Variants in MYO3B observed in about 807,000 individuals in gnomAD.
The protein encoded by MYO3B is myosin-IIIb.
Under a neutral mutation model 174.6 loss-of-function variants are expected in MYO3B, and 156 were observed. That is an observed-to-expected ratio of 0.89 (90% CI 0.78 to 1.02). The LOEUF is 1.02. Among genes scored for constraint, MYO3B ranks in the 50% least tolerant of loss-of-function variants. The probability of loss-of-function intolerance (pLI) is 0.00; values close to 1 mark genes in which losing one functional copy is unlikely to be tolerated. For missense variants in MYO3B, 1,632 were observed against 1,639.4 expected, an observed-to-expected ratio of 1.00 and a Z score of 0.08; for synonymous variants, 563 against 569.1, an observed-to-expected ratio of 0.99 and a Z score of 0.15.
At chr2:170,307,595 C>G (rs2093709659) in intron 7 of MYO3B, among the ~76,000 whole-genome samples, 1 of 152,082 alleles carries the variant, frequency 6.6e-6, no homozygotes, top group South Asian at 2.1e-4. Context: ...GACAGGGGGG[C>G]CCCAAAATTG....
rs75486707 is a variant in MYO3B, at chr2:170,321,717, T to C, written c.750-13668T>C. Among the ~76,000 whole-genome samples the C allele has an allele frequency of 4.0e-3, 609 of 152,260 alleles. 4 individuals are homozygous for C. Among genetic ancestry groups the C allele is most frequent in the African/African-American group, 0.014 (587 of 41,548 alleles). On this transcript the variant is annotated intron_variant, in intron 7 of 34. Transcript: ENST00000408978. ...CAGTGTGTTTCTGATGACTTAATGT[T>C]GATGTATTTATTTTTCATCTTAATT...
intron 30 of MYO3B, among the ~76,000 whole-genome samples, chr2:170,541,434 T>C (rs1449743458): frequency 6.6e-6 from 1 of 152,168 alleles, no homozygotes; most frequent in African/African-American, 2.4e-5. Context: ...GGTGAATGCC[T>C]TAGCTCTACC....
chr2:170,634,900 T>TCAAAACCACAATG lies in MYO3B; in HGVS notation c.3734-16727_3734-16715dup, dbSNP rs577093204. Among the ~76,000 whole-genome samples the TCAAAACCACAATG allele has an allele frequency of 1.7e-3, 252 of 152,222 alleles. 4 individuals are homozygous for TCAAAACCACAATG. The South Asian group carries it at 0.051, about 31-fold the overall frequency. ...TCACTGGTCATCAGTGAAATGCAAA[T>TCAAAACCACAATG]CAAAACCACAATGAGATACCATCTC... On this transcript the variant is annotated intron_variant, in intron 32 of 34. Transcript: ENST00000408978.
intron 7 of MYO3B, among the ~76,000 whole-genome samples, chr2:170,293,078 A>G (rs1350940515): frequency 6.6e-6 from 1 of 152,032 alleles, no homozygotes; most frequent in Non-Finnish European, 1.5e-5. Flanking sequence ...CAACTCTTTC[A>G]CTGTTGACTT....
At chr2:170,398,252 G>T (rs947219316) in intron 16 of MYO3B, among the ~76,000 whole-genome samples, 5 of 132,080 alleles carry the variant, frequency 3.8e-5, no homozygotes, top group Non-Finnish European at 6.5e-5. Flanking sequence ...AAAAAAAAAA[G>T]GATACAACTC....
chr2:170,372,247 T>G (rs1558934708), intron 9 of MYO3B, among the ~76,000 whole-genome samples: 1 of 152,022 alleles, frequency 6.6e-6, no homozygotes, highest in Non-Finnish European at 1.5e-5. Flanking sequence ...AAGTTTCTTC[T>G]ATAAAACGGG....
rs117541199 is a variant in MYO3B at position 170,427,883 on chromosome 2, T to C, written c.2651-16084T>C. 1.6e-4 allele frequency among the ~76,000 whole-genome samples: 25 copies of C among 152,292 alleles called. No homozygotes were observed. The East Asian group carries it at 4.8e-3, about 29-fold the overall frequency. On this transcript the variant is annotated intron_variant, in intron 22 of 34. Coordinates refer to ENST00000408978, the MANE Select transcript of MYO3B (RefSeq NM_138995.5). ...AATAGGAAAAAAAAGCTCGTATAAGTGATTATTGCCTTCACATTAGCACCC... is the reference window on the plus strand; with the variant it reads ...AATAGGAAAAAAAAGCTCGTATAAGCGATTATTGCCTTCACATTAGCACCC...
At chr2:170,260,481 C>A (rs923954177) in intron 7 of MYO3B, among the ~76,000 whole-genome samples, 1 of 152,214 alleles carries the variant, frequency 6.6e-6, no homozygotes, top group African/African-American at 2.4e-5. Flanking sequence ...TATGTTATCA[C>A]TTAAAAGTGG....
chr2:170,529,453 C>G (rs1043673978), intron 30 of MYO3B, among the ~76,000 whole-genome samples: 4 of 148,280 alleles, frequency 2.7e-5, no homozygotes, highest in Non-Finnish European at 5.9e-5. Context: ...TTCCTTCTTC[C>G]TTTTTTTTCT....
intron 25 of MYO3B, among the ~76,000 whole-genome samples, chr2:170,467,815 C>CAAAAA (rs33945733): frequency 6.3e-5 from 7 of 110,368 alleles, no homozygotes; most frequent in Admixed American, 1.0e-4. Context: ...AAAGATAAGG[C>CAAAAA]AAAAAAAAAA....
chr2:170,191,523 T>C (rs1001688195), intron 1 of MYO3B, among the ~76,000 whole-genome samples: 2 of 152,050 alleles, frequency 1.3e-5, no homozygotes, highest in African/African-American at 4.8e-5. Flanking sequence ...GGAGGTGCAA[T>C]TTCCCCCCGG....
chr2:170,457,112 G>A (rs1683952445), intron 23 of MYO3B, among the ~76,000 whole-genome samples: 1 of 152,158 alleles, frequency 6.6e-6, no homozygotes, highest in South Asian at 2.1e-4. Context: ...CACTTACCAT[G>A]AATGGAGCTT....
intron 7 of MYO3B, among the ~76,000 whole-genome samples, chr2:170,241,076 C>T (rs1437000216): frequency 6.6e-6 from 1 of 152,024 alleles, no homozygotes; most frequent in African/African-American, 2.4e-5. Context: ...GTATAGCCAA[C>T]ACCTTCTCTC....
chr2:170,622,556 A>G (rs1255399648), intron 32 of MYO3B, among the ~76,000 whole-genome samples: 12 of 150,626 alleles, frequency 8.0e-5, no homozygotes, highest in Non-Finnish European at 1.6e-4. Flanking sequence ...ACATTCTTAC[A>G]TTCTTTTATA....
intron 6 of MYO3B, among the ~76,000 whole-genome samples, chr2:170,221,536 A>T (rs2092900866): frequency 6.6e-6 from 1 of 152,172 alleles, no homozygotes; most frequent in Non-Finnish European, 1.5e-5. Flanking sequence ...CATATTGTCA[A>T]TACTCCCTAC....
At chr2:170,519,597 G>A (rs1044409347) in intron 30 of MYO3B, 57 bp downstream of exon 30, 5 of 1,322,262 alleles carry the variant, frequency 3.8e-6, no homozygotes, top group Admixed American at 3.4e-5. Context: ...CATTCTAATG[G>A]ATAATGAAAT....
At chr2:170,244,468 G>T (rs572968552) in intron 7 of MYO3B, among the ~76,000 whole-genome samples, 1 of 152,164 alleles carries the variant, frequency 6.6e-6, no homozygotes, top group South Asian at 2.1e-4. Context: ...GGTTTCTTTG[G>T]GGAGGAGTGA....
intron 8 of MYO3B, among the ~76,000 whole-genome samples, chr2:170,343,065 ACACACACACACACC>A (rs1413692203): frequency 7.1e-6 from 1 of 141,430 alleles, no homozygotes; most frequent in African/African-American, 2.7e-5. Context: ...ACACACACAC[ACACACACACACACC>A]CCTCTCCACC....
Position 170,399,242 on chromosome 2 carries a change from C to CAAAAAAAAAA in MYO3B, c.1792-931_1792-922dup, listed in dbSNP as rs71399532. Among the ~76,000 whole-genome samples, 46 of 15,590 alleles carry CAAAAAAAAAA rather than the reference C, an allele frequency of 3.0e-3. 1 individual carries two copies. Among genetic ancestry groups the CAAAAAAAAAA allele is most frequent in the Non-Finnish European group, 5.2e-3 (39 of 7,452 alleles). The allele number at this position is 15,590 out of a possible 152,430, so 10.2% of individuals were successfully genotyped here. On this transcript the variant is annotated intron_variant, in intron 16 of 34. Transcript: ENST00000408978. ...GGGCAACAAGAGCGAAATTCCGTCT[C>CAAAAAAAAAA]AAAAAAAAAAAAAAAAAAAAAAAAG...
Sources: gnomAD v4.1 joint callset for allele counts (sites outside exome capture counted in the v4.1 genomes callset) on GRCh38, gnomAD v4.1.1 for gene constraint, MANE v1.5 for transcripts, NCBI Gene and HGNC (gene_info 2026-07-23, HGNC 2026-07-21) for gene names.